Variants in TVP23A observed in about 807,000 individuals in gnomAD.
The protein encoded by TVP23A is trans-golgi network vesicle protein 23 homolog A.
In TVP23A, 21 loss-of-function variants were observed where a neutral mutation model predicts 31.7. That is an observed-to-expected ratio of 0.66 (90% CI 0.47 to 0.95). The LOEUF is 0.95. Ranked by LOEUF, TVP23A falls within the 40% of genes least tolerant of loss-of-function variation. The pLI is 0.00. For missense variants in TVP23A, 279 were observed against 255.6 expected, an observed-to-expected ratio of 1.09 and a Z score of -0.62; for synonymous variants, 104 against 96.0, an observed-to-expected ratio of 1.08 and a Z score of -0.49.
chr16:10,780,605 C>A (rs2032363709), intron 2 of TVP23A, among the ~76,000 whole-genome samples: 1 of 152,160 alleles, frequency 6.6e-6, no homozygotes, highest in Admixed American at 6.5e-5. Flanking sequence ...CCAATCCTGG[C>A]TCTAATCTCT....
chr16:10,778,040 A>G (rs2032175047), intron 2 of TVP23A, among the ~76,000 whole-genome samples: 1 of 151,648 alleles, frequency 6.6e-6, no homozygotes. Context: ...TAAAAGAAGA[A>G]TTAGACAGGA....
intron 2 of TVP23A, among the ~76,000 whole-genome samples, chr16:10,796,131 T>C (rs1022302988): frequency 6.6e-6 from 1 of 152,078 alleles, no homozygotes; most frequent in African/African-American, 2.4e-5. Flanking sequence ...GAGGATCGCT[T>C]GAGCCCAGGA....
rs530271400 is a variant in TVP23A at position 10,777,471 on chromosome 16, C to A, written c.90-2375G>T. 1.3e-5 allele frequency among the ~76,000 whole-genome samples: 2 copies of A among 152,054 alleles called. No individual in the cohort carries two copies. Among genetic ancestry groups the A allele is most frequent in the Non-Finnish European group, 2.9e-5 (2 of 68,012 alleles). On this transcript the variant is annotated intron_variant, in intron 2 of 7. Coordinates refer to ENST00000299866, the MANE Select transcript of TVP23A (RefSeq NM_001079512.4). The surrounding 1 kb of genome is among the most constrained non-coding windows in gnomAD (Gnocchi z 4.5). ...ATCCACACAGAACTGCAGGGGAAAG[C>A]GCCTGCTCATTCTCCCCAAGAAGAA...
In TVP23A at chr16:10,768,149, C is replaced by T; in HGVS notation, c.*953G>A. On this transcript the variant is annotated 3_prime_UTR_variant, in exon 8 of 8. Transcript: ENST00000299866. This position sits in a 1 kb window ranked among gnomAD's most constrained non-coding sequence, Gnocchi z 4.3. ...GGGTCTGTGATGACCACAGAGTGGC[C>T]CCCATAGCCGAGGAAGCCAGGAGTC... The T allele has an allele frequency of 1.2e-6, 1 of 853,032 alleles. No homozygotes were observed. The highest frequency in any genetic ancestry group is 1.9e-6 in the Non-Finnish European group (1 of 533,736). 52.8% of individuals were successfully genotyped at this position (853,032 alleles called of 1,614,324 possible). A position where few individuals can be genotyped will look rare whatever the true frequency, so the allele number is the denominator to read the frequency against.
rs199851819 is a variant in TVP23A at position 10,816,895 on chromosome 16, T to TA, written c.89+1207dup. On this transcript the variant is annotated intron_variant, in intron 2 of 7. Transcript: ENST00000299866. ...CAATAATAATAAAAAATAAATAAAATAAAAAAAAAGAAAGAGGCACAGGGA... is the reference window on the plus strand; with the variant it reads ...CAATAATAATAAAAAATAAATAAAATAAAAAAAAAAGAAAGAGGCACAGGGA... 6.6e-3 allele frequency among the ~76,000 whole-genome samples: 872 copies of TA among 131,388 alleles called. 12 individuals are homozygous for TA. Among genetic ancestry groups the TA allele is most frequent in the African/African-American group, 0.022 (780 of 34,736 alleles). 86.2% of individuals were successfully genotyped at this position (131,388 alleles called of 152,430 possible). A position where few individuals can be genotyped will look rare whatever the true frequency, so the allele number is the denominator to read the frequency against.
At chr16:10,803,398 G>T (rs1451899745) in intron 2 of TVP23A, among the ~76,000 whole-genome samples, 1 of 152,128 alleles carries the variant, frequency 6.6e-6, no homozygotes, top group East Asian at 1.9e-4. Flanking sequence ...CATCTACCAG[G>T]TGGAGGGCCA....
Position 10,768,098 on chromosome 16 carries a change from G to A in TVP23A, c.*1004C>T, listed in dbSNP as rs187108285. Reference sequence around the variant, plus strand: ...GCAGGAAGCAACATAAAGGAGCCAGGGGTGTGGAAGGACAGGTGGGTGGTG... The same window carrying A: ...GCAGGAAGCAACATAAAGGAGCCAGAGGTGTGGAAGGACAGGTGGGTGGTG... On this transcript the variant is annotated 3_prime_UTR_variant, in exon 8 of 8. Transcript: ENST00000299866. This position sits in a 1 kb window ranked among gnomAD's most constrained non-coding sequence, Gnocchi z 4.3. 288 of 1,478,954 alleles carry A rather than the reference G, an allele frequency of 1.9e-4. 1 individual carries two copies. The African/African-American group carries it at 3.8e-3, about 19-fold the overall frequency. The allele number at this position is 1,478,954 out of a possible 1,614,324, so 91.6% of individuals were successfully genotyped here.
intron 2 of TVP23A, among the ~76,000 whole-genome samples, chr16:10,784,560 C>CA (rs372829313): frequency 0.065 from 9,164 of 140,084 alleles, 606 homozygotes; most frequent in African/African-American, 0.19. Context: ...GACCTTGTCT[C>CA]AAAAAAAATA....
At chr16:10,795,680 G>A (rs953734781) in intron 2 of TVP23A, among the ~76,000 whole-genome samples, 5 of 152,194 alleles carry the variant, frequency 3.3e-5, no homozygotes, top group African/African-American at 1.2e-4. Context: ...TCTACAAAGT[G>A]TACCGTGCAA....
intron 3 of TVP23A, 97 bp from the exon 4 acceptor site, chr16:10,774,225 G>C: frequency 1.2e-6 from 1 of 861,424 alleles, no homozygotes; most frequent in Non-Finnish European, 1.8e-6. Flanking sequence ...TTTCAGACTT[G>C]TACTGGGAGC....
At chr16:10,803,299 G>A (rs11074927) in intron 2 of TVP23A, among the ~76,000 whole-genome samples, 13,827 of 149,878 alleles carry the variant, frequency 0.092, 1,615 homozygotes, top group African/African-American at 0.27. Flanking sequence ...GAGTCTGGGC[G>A]ACAGAGCAAG....
At position 10,768,317 on chromosome 16, in the gene TVP23A, A is replaced by G. The variant is rs1235291692; in HGVS notation, c.*785T>C. The G allele has an allele frequency of 4.7e-6, 1 of 211,744 alleles. No homozygotes were observed. Among genetic ancestry groups the G allele is most frequent in the Non-Finnish European group, 9.5e-6 (1 of 105,780 alleles). The allele number at this position is 211,744 out of a possible 1,614,324, so 13.1% of individuals were successfully genotyped here. On this transcript the variant is annotated 3_prime_UTR_variant, in exon 8 of 8. Transcript: ENST00000299866. This position sits in a 1 kb window ranked among gnomAD's most constrained non-coding sequence, Gnocchi z 4.3. The stretch of plus-strand genomic sequence containing the variant: ...TTTTAAAAGTAACTGATAAAAAAAA[A>G]AAAGGCCAGGTGCAGTGGCTCACAC...
intron 3 of TVP23A, 95 bp downstream of exon 3, chr16:10,774,857 C>A: frequency 1.9e-6 from 2 of 1,055,910 alleles, no homozygotes; most frequent in South Asian, 1.5e-5. Flanking sequence ...TTAAGCATGT[C>A]TCAGGAGTCT....
intron 2 of TVP23A, among the ~76,000 whole-genome samples, chr16:10,804,879 G>A (rs992703039): frequency 6.6e-6 from 1 of 151,998 alleles, no homozygotes; most frequent in African/African-American, 2.4e-5. Context: ...TCATACTGTT[G>A]TCCCAAACAT....
rs528477000 is a variant in TVP23A at position 10,761,664 on chromosome 16, C to A, written c.*207-96G>T. 27 of 915,574 alleles carry A rather than the reference C, an allele frequency of 2.9e-5. No individual in the cohort carries two copies. The African/African-American group carries it at 3.1e-4, about 11-fold the overall frequency. The allele number at this position is 915,574 out of a possible 1,614,324, so 56.7% of individuals were successfully genotyped here. On this transcript the variant is annotated intron_variant and NMD_transcript_variant, in intron 8 of 8. Coordinates refer to the TVP23A transcript ENST00000456096. ...TAAGGGTTCCACATTCAAACTAAGC[C>A]TTTTTTTTTTTTTTAAGTTTCTTTA...
At chr16:10,787,905 C>T (rs1375732460) in intron 2 of TVP23A, among the ~76,000 whole-genome samples, 1 of 152,076 alleles carries the variant, frequency 6.6e-6, no homozygotes, top group African/African-American at 2.4e-5. Context: ...GTAACATTTG[C>T]GTCAGATGCC....
chr16:10,785,134 G>A (rs2032671540), intron 2 of TVP23A, among the ~76,000 whole-genome samples: 1 of 149,494 alleles, frequency 6.7e-6, no homozygotes, highest in Non-Finnish European at 1.5e-5. Context: ...GCCGGGCATG[G>A]TGGCTCACGC....
At chr16:10,789,906 G>A (rs1648979770) in intron 2 of TVP23A, among the ~76,000 whole-genome samples, 1 of 152,094 alleles carries the variant, frequency 6.6e-6, no homozygotes, top group Non-Finnish European at 1.5e-5. Context: ...GGGGCAGGAG[G>A]AGGGGGCTGG....
downstream of TVP23A, among the ~76,000 whole-genome samples, chr16:10,763,305 G>A (rs995766942): frequency 3.9e-5 from 6 of 152,074 alleles, no homozygotes; most frequent in African/African-American, 1.4e-4. Flanking sequence ...CAGAAAGCGG[G>A]AGCCAGGAGG....
Sources: gnomAD v4.1 joint callset for allele counts (sites outside exome capture counted in the v4.1 genomes callset) on GRCh38, gnomAD v4.1.1 for gene constraint, Gnocchi (gnomAD v3.1) non-coding constraint, MANE v1.5 for transcripts, NCBI Gene and HGNC (gene_info 2026-07-23, HGNC 2026-07-21) for gene names.